EMP2: variants seen among roughly 807,000 people sequenced by gnomAD.
The protein encoded by EMP2 is epithelial membrane protein 2.
EMP2 carries 19 observed loss-of-function variants against 13.7 expected under a neutral mutation model. The ratio of observed to expected loss-of-function variants is 1.38; its 90% CI spans 0.97 to 2.03. The LOEUF (loss-of-function observed/expected upper bound fraction) is 2.03. Ranked by LOEUF, EMP2 falls within the 30% of genes most tolerant of loss-of-function variation. EMP2 has a pLI of 0.00. For missense variants in EMP2, 253 were observed against 220.7 expected (o/e 1.15, Z -0.93); for synonymous variants, 97 against 84.7 (o/e 1.15, Z -0.80).
chr16:10,543,104 C>T (rs999519861), intron 3 of EMP2, among the ~76,000 whole-genome samples: 8 of 152,306 alleles, frequency 5.3e-5, no homozygotes, highest in African/African-American at 1.7e-4. Context: ...CCTCTGCTTC[C>T]CAAAGTGCTG....
intron 4 of EMP2, among the ~76,000 whole-genome samples, chr16:10,535,676 C>T (rs1489477951): frequency 6.6e-6 from 1 of 152,152 alleles, no homozygotes; most frequent in East Asian, 1.9e-4. Context: ...CGCCACTGTA[C>T]TTCAGCCCGG....
At chr16:10,540,357 T>C (rs1379668642) in intron 3 of EMP2, among the ~76,000 whole-genome samples, 1 of 151,894 alleles carries the variant, frequency 6.6e-6, no homozygotes, top group Non-Finnish European at 1.5e-5. Context: ...AATACAAAAA[T>C]TAGCTGGGTG....
At chr16:10,568,283 C>T (rs2050922778) in intron 1 of EMP2, among the ~76,000 whole-genome samples, 1 of 152,206 alleles carries the variant, frequency 6.6e-6, no homozygotes, top group African/African-American at 2.4e-5. Flanking sequence ...TAAATGAAAA[C>T]ATTCAAAGCA....
At chr16:10,565,611 G>A (rs1306846211) in intron 1 of EMP2, among the ~76,000 whole-genome samples, 2 of 152,080 alleles carry the variant, frequency 1.3e-5, no homozygotes, top group Non-Finnish European at 2.9e-5. Context: ...CCCTAATATA[G>A]CATCACTCTC....
chr16:10,537,982 G>C lies in EMP2; in HGVS notation c.262C>G (p.Arg88Gly). 6.2e-7 allele frequency: 1 copy of C among 1,614,126 alleles called. No homozygotes were observed. Residue 88 changes from arginine to glycine, a missense_variant, in exon 4 of 5, where the codon CGC (arginine) becomes GGC (glycine). Coordinates refer to ENST00000359543, the MANE Select transcript of EMP2 (RefSeq NM_001424.6). ...AFFIFVLQLF[R>G]LKQGERFVLT... Reference sequence around the variant, plus strand: ...ACAAACCTCTCTCCCTGCTTCAGGCGGAAGAGCTGGAGCACGAAGATGAAG... The same window carrying C: ...ACAAACCTCTCTCCCTGCTTCAGGCCGAAGAGCTGGAGCACGAAGATGAAG...
chr16:10,529,081 A>T lies in EMP2; in HGVS notation c.*3824T>A, dbSNP rs1243374023. 3 of 152,246 alleles carry T rather than the reference A, an allele frequency of 2.0e-5. No individual in the cohort carries two copies. Among genetic ancestry groups the T allele is most frequent in the Admixed American group, 2.0e-4 (3 of 15,282 alleles). 9.4% of individuals were successfully genotyped at this position (152,246 alleles called of 1,614,324 possible). On this transcript the variant is annotated 3_prime_UTR_variant, in exon 5 of 5. Transcript: ENST00000359543. ...AAGCATTCTCCAAACTCATTTGAAC[A>T]GAGACCCAAAATAATTTTAATGCAA...
At chr16:10,545,279 C>T (rs931197574) in intron 2 of EMP2, 3 of 152,194 alleles carry the variant, frequency 2.0e-5, no homozygotes, top group African/African-American at 7.2e-5. Flanking sequence ...ACATTCGGTC[C>T]CATTTATTTC....
In EMP2 at chr16:10,533,108, G is replaced by T; in HGVS notation, c.317-16C>A. On this transcript the variant is annotated splice_polypyrimidine_tract_variant and intron_variant, in intron 4 of 4. Transcript: ENST00000359543. ...ACACACAGACCTGTCAGGAAGAAAG[G>T]TGAATTTTCAATAAATCATGGACCA... 1 of 1,537,550 alleles carries T rather than the reference G, an allele frequency of 6.5e-7. No homozygotes were observed. The highest frequency in any genetic ancestry group is 8.8e-7 in the Non-Finnish European group (1 of 1,134,912).
rs546405909 is a variant in EMP2, at chr16:10,550,515, G to C, written c.-60-2838C>G. ...CGATGTTTCCTGATGATTCGATCCA[G>C]ATTATATTTTTTAAGCAGGAATGGC... is the stretch of plus-strand genomic sequence containing the variant. On this transcript the variant is annotated intron_variant, in intron 1 of 4. Coordinates refer to ENST00000359543, the MANE Select transcript of EMP2 (RefSeq NM_001424.6). 1.4e-3 allele frequency among the ~76,000 whole-genome samples: 218 copies of C among 152,290 alleles called. 1 individual carries two copies. The highest frequency in any genetic ancestry group is 2.7e-3 in the Non-Finnish European group (183 of 68,034).
intron 1 of EMP2, among the ~76,000 whole-genome samples, chr16:10,560,274 G>A (rs575107458): frequency 6.6e-6 from 1 of 152,124 alleles, no homozygotes; most frequent in East Asian, 1.9e-4. Context: ...AGCACACTGG[G>A]GACAACGGAA....
rs1168209593 is a variant in EMP2, at chr16:10,529,636, G to C, written c.*3269C>G. 1 of 152,074 alleles carries C rather than the reference G, an allele frequency of 6.6e-6. No individual in the cohort carries two copies. The highest frequency in any genetic ancestry group is 2.4e-5 in the African/African-American group (1 of 41,408). The allele number at this position is 152,074 out of a possible 1,614,324, so 9.4% of individuals were successfully genotyped here. A position where few individuals can be genotyped will look rare whatever the true frequency, so the allele number is the denominator to read the frequency against. The stretch of plus-strand genomic sequence containing the variant: ...TTGTTTGTTTCCATCGTGACTACCA[G>C]AAAATTATAGAAGGCCAGACGCAGT... On this transcript the variant is annotated 3_prime_UTR_variant, in exon 5 of 5. Coordinates refer to ENST00000359543, the MANE Select transcript of EMP2 (RefSeq NM_001424.6).
In EMP2 at chr16:10,543,789, G is replaced by A. The variant is rs113761766; in HGVS notation, c.79-129C>T. On this transcript the variant is annotated intron_variant, in intron 2 of 4. Coordinates refer to ENST00000359543, the MANE Select transcript of EMP2 (RefSeq NM_001424.6). ...TGCAACACATGTGAGAATTGCCTGA[G>A]GAGCTTATTCTAATGCAGACTGACT... is the stretch of plus-strand genomic sequence containing the variant. 1.3e-5 allele frequency: 11 copies of A among 845,010 alleles called. No individual in the cohort carries two copies. The African/African-American group carries it at 1.7e-4, about 13-fold the overall frequency. The allele number at this position is 845,010 out of a possible 1,614,324, so 52.3% of individuals were successfully genotyped here.
chr16:10,566,803 T>C, intron 1 of EMP2, among the ~76,000 whole-genome samples: 1 of 152,042 alleles, frequency 6.6e-6, no homozygotes, highest in Non-Finnish European at 1.5e-5. Context: ...GCAGGCACTG[T>C]GGGAGGACAG....
chr16:10,538,070 G>T lies in EMP2; in HGVS notation c.174C>A (p.Tyr58Ter), dbSNP rs770817514. ...CTVINDSFQEYSTLQAVQATM... is the reference protein window; with the variant it reads ...CTVINDSFQE ...TGGCCTGGACCGCCTGCAGCGTGGA[G>T]TACTCTGCGGGAAAAGGGCAGGGGC... The change falls in exon 4 of 5, where the codon TAC (tyrosine) becomes TAA (stop). Residue 58 changes from tyrosine to a stop codon, truncating the protein, a stop_gained. Transcript: ENST00000359543. LOFTEE classifies it high-confidence loss of function. The T allele has an allele frequency of 6.2e-7, 1 of 1,613,668 alleles. No individual in the cohort carries two copies. The highest frequency in any genetic ancestry group is 8.5e-7 in the Non-Finnish European group (1 of 1,179,930).
intron 1 of EMP2, among the ~76,000 whole-genome samples, chr16:10,555,318 T>A (rs190669927): frequency 6.6e-6 from 1 of 152,276 alleles, no homozygotes; most frequent in East Asian, 1.9e-4. Context: ...CTTTTTTCCT[T>A]CTTCAATTTC....
chr16:10,537,513 T>TC (rs935843634), intron 4 of EMP2, among the ~76,000 whole-genome samples: 3 of 152,130 alleles, frequency 2.0e-5, no homozygotes, highest in Non-Finnish European at 2.9e-5. Flanking sequence ...CTGGTTCACT[T>TC]CCCACTGCAC....
chr16:10,550,867 C>A (rs2050782685), intron 1 of EMP2, among the ~76,000 whole-genome samples: 1 of 151,626 alleles, frequency 6.6e-6, no homozygotes, highest in Non-Finnish European at 1.5e-5. Context: ...TCCAGGTACT[C>A]AGGAGGCTGA....
intron 1 of EMP2, among the ~76,000 whole-genome samples, chr16:10,572,446 C>CA (rs373462569): frequency 0.19 from 26,522 of 143,038 alleles, 2,839 homozygotes; most frequent in Non-Finnish European, 0.25. Flanking sequence ...GATCCTGTCT[C>CA]AAAAAAAAAA....
intron 1 of EMP2, among the ~76,000 whole-genome samples, chr16:10,549,755 T>A (rs1425781575): frequency 7.2e-6 from 1 of 138,824 alleles, no homozygotes; most frequent in African/African-American, 2.7e-5. Context: ...ACACATACAC[T>A]GTCTCTCTTT....
Sources: gnomAD v4.1 joint callset for allele counts (sites outside exome capture counted in the v4.1 genomes callset) on GRCh38, gnomAD v4.1.1 for gene constraint, MANE v1.5 for transcripts, NCBI Gene and HGNC (gene_info 2026-07-23, HGNC 2026-07-21) for gene names.